MECOM: variants seen among roughly 807,000 people sequenced by gnomAD.
MECOM encodes the protein MDS1 and EVI1 complex locus.
A neutral mutation model predicts 116.3 loss-of-function variants in MECOM; 13 were observed. The ratio of observed to expected loss-of-function variants is 0.11; its 90% CI spans 0.07 to 0.18. The LOEUF (loss-of-function observed/expected upper bound fraction) is 0.18. Ranked by LOEUF, MECOM falls within the 10% of genes least tolerant of loss-of-function variation. The pLI, the probability that MECOM is intolerant of heterozygous loss-of-function variation, is 1.00. For synonymous variants in MECOM, 528 were observed against 535.2 expected (o/e 0.99, Z 0.19); for missense variants, 1,299 against 1,509.0 (o/e 0.86, Z 2.31).
chr3:169,210,887 G>C (rs1297514667), intron 2 of MECOM, among the ~76,000 whole-genome samples: 2 of 152,084 alleles, frequency 1.3e-5, no homozygotes, highest in African/African-American at 2.4e-5. Flanking sequence ...AGAGAGCCTG[G>C]ATTCTTTGTG....
At chr3:169,255,175 A>G (rs2149593533) in intron 2 of MECOM, among the ~76,000 whole-genome samples, 1 of 152,304 alleles carries the variant, frequency 6.6e-6, no homozygotes. Context: ...TGCTTATAGG[A>G]GGAAGAGAAA....
At chr3:169,350,446 A>G (rs1726127786) in intron 2 of MECOM, among the ~76,000 whole-genome samples, 1 of 151,876 alleles carries the variant, frequency 6.6e-6, no homozygotes, top group African/African-American at 2.4e-5. Context: ...CACACTGTAA[A>G]AGATTGAGTC....
intron 2 of MECOM, among the ~76,000 whole-genome samples, chr3:169,285,785 T>C (rs1280365814): frequency 6.6e-6 from 1 of 152,218 alleles, no homozygotes; most frequent in Non-Finnish European, 1.5e-5. Flanking sequence ...AAATAGCATG[T>C]GCTATGGTGT....
intron 1 of MECOM, among the ~76,000 whole-genome samples, chr3:169,480,958 A>C (rs1432421240): frequency 1.3e-5 from 2 of 152,154 alleles, no homozygotes; most frequent in Non-Finnish European, 2.9e-5. Flanking sequence ...ATCCTCATTA[A>C]CAATACATGG....
intron 2 of MECOM, among the ~76,000 whole-genome samples, chr3:169,212,023 T>G (rs1278452034): frequency 6.6e-6 from 1 of 152,144 alleles, no homozygotes; most frequent in Non-Finnish European, 1.5e-5. Flanking sequence ...CTTGATTTTT[T>G]CATTTTCTCT....
chr3:169,225,683 C>T (rs1752641051), intron 2 of MECOM, among the ~76,000 whole-genome samples: 1 of 152,204 alleles, frequency 6.6e-6, no homozygotes, highest in Admixed American at 6.5e-5. Context: ...GATCTCAGCT[C>T]ACCGCAACCT....
intron 10 of MECOM, among the ~76,000 whole-genome samples, chr3:169,106,082 G>T (rs890882900): frequency 6.6e-6 from 1 of 152,036 alleles, no homozygotes; most frequent in Non-Finnish European, 1.5e-5. Context: ...TTACAAATTC[G>T]ATTACACATG....
intron 2 of MECOM, among the ~76,000 whole-genome samples, chr3:169,274,780 C>G (rs1759387715): frequency 6.6e-6 from 1 of 152,208 alleles, no homozygotes; most frequent in Non-Finnish European, 1.5e-5. Flanking sequence ...CTACATAGGA[C>G]TAGCAACTAC....
chr3:169,335,388 T>C (rs1262507394), intron 2 of MECOM, among the ~76,000 whole-genome samples: 1 of 152,178 alleles, frequency 6.6e-6, no homozygotes, highest in Non-Finnish European at 1.5e-5. Context: ...CTCATGATAA[T>C]CTTCCTCAGT....
At chr3:169,295,762 T>G (rs1475400282) in intron 2 of MECOM, among the ~76,000 whole-genome samples, 1 of 152,204 alleles carries the variant, frequency 6.6e-6, no homozygotes, top group Non-Finnish European at 1.5e-5. Flanking sequence ...ACATTGCCCG[T>G]GCTGCTCTCT....
chr3:169,270,146 A>G (rs1286111385), intron 2 of MECOM, among the ~76,000 whole-genome samples: 2 of 152,176 alleles, frequency 1.3e-5, no homozygotes, highest in East Asian at 3.8e-4. Flanking sequence ...CCCGGTAAGA[A>G]AGGGACAGTG....
intron 1 of MECOM, among the ~76,000 whole-genome samples, chr3:169,511,872 A>C (rs1289896576): frequency 6.6e-6 from 1 of 152,206 alleles, no homozygotes; most frequent in Admixed American, 6.5e-5. Flanking sequence ...TTCCCCCATC[A>C]GCCTTCTCTC....
At chr3:169,581,283 A>C (rs760781476) in intron 1 of MECOM, among the ~76,000 whole-genome samples, 3 of 152,164 alleles carry the variant, frequency 2.0e-5, no homozygotes, top group Non-Finnish European at 4.4e-5. Context: ...GTCCATCTTT[A>C]TAGCACTATT....
At chr3:169,599,530 A>C (rs1042653861) in intron 1 of MECOM, among the ~76,000 whole-genome samples, 1 of 146,314 alleles carries the variant, frequency 6.8e-6, no homozygotes, top group Admixed American at 6.8e-5. Flanking sequence ...AAAAAAAAAA[A>C]GTGTAAACCT....
intron 1 of MECOM, among the ~76,000 whole-genome samples, chr3:169,620,244 C>G (rs1770551388): frequency 6.6e-6 from 1 of 152,202 alleles, no homozygotes; most frequent in Non-Finnish European, 1.5e-5. Flanking sequence ...CATTGCAACC[C>G]TCTGGCTTCC....
intron 2 of MECOM, among the ~76,000 whole-genome samples, chr3:169,224,859 A>C (rs1298916400): frequency 6.6e-6 from 1 of 152,216 alleles, no homozygotes; most frequent in Non-Finnish European, 1.5e-5. Flanking sequence ...TGTTGAGTCG[A>C]GCATAAACGA....
intron 1 of MECOM, among the ~76,000 whole-genome samples, chr3:169,521,997 A>G (rs1757403638): frequency 6.6e-6 from 1 of 152,240 alleles, no homozygotes; most frequent in East Asian, 1.9e-4. Flanking sequence ...CATAAGTTAT[A>G]TGCAAATGCT....
At chr3:169,122,520 A>T in intron 6 of MECOM, 60 bp downstream of exon 6, 1 of 1,579,418 alleles carries the variant, frequency 6.3e-7, no homozygotes, top group Non-Finnish European at 8.6e-7. Context: ...GTAGCAAGTG[A>T]TGGATTAAGA....
chr3:169,553,051 G>A (rs963726494), intron 1 of MECOM, among the ~76,000 whole-genome samples: 2 of 151,684 alleles, frequency 1.3e-5, no homozygotes, highest in African/African-American at 4.9e-5. Flanking sequence ...GACAAGGTCA[G>A]CTACCAGGTA....
Sources: allele counts gnomAD v4.1 joint callset (sites outside exome capture counted in the v4.1 genomes callset), GRCh38; gene constraint gnomAD v4.1.1; transcripts MANE v1.5; gene names NCBI Gene and HGNC (gene_info 2026-07-23, HGNC 2026-07-21).